Variants in AKT2 observed in about 807,000 individuals in gnomAD.
AKT2 encodes the protein RAC-beta serine/threonine-protein kinase.
AKT2 carries 16 observed loss-of-function variants against 58.6 expected under a neutral mutation model. The observed-to-expected ratio is 0.27, with a 90% CI of 0.18 to 0.41. The LOEUF is 0.41. Ranked by LOEUF, AKT2 falls within the 10% of genes least tolerant of loss-of-function variation. AKT2 has a pLI of 1.00. For missense variants in AKT2, 438 were observed against 661.0 expected, an observed-to-expected ratio of 0.66 and a Z score of 3.70; for synonymous variants, 253 against 254.0, an observed-to-expected ratio of 1.00 and a Z score of 0.04.
At chr19:40,254,990 C>T (rs1975432201) in intron 4 of AKT2, among the ~76,000 whole-genome samples, 168 bp downstream of exon 4, 1 of 152,158 alleles carries the variant, frequency 6.6e-6, no homozygotes, top group African/African-American at 2.4e-5. Flanking sequence ...GGTCTTCAGA[C>T]TAAGAACCCC....
At chr19:40,247,582 G>C (rs1041549150) in intron 4 of AKT2, among the ~76,000 whole-genome samples, 4 of 152,140 alleles carry the variant, frequency 2.6e-5, no homozygotes, top group African/African-American at 9.7e-5. Flanking sequence ...GGGACACCCA[G>C]CCAGGGAGCC....
intron 2 of AKT2, among the ~76,000 whole-genome samples, chr19:40,264,223 G>A (rs1446706412): frequency 6.6e-6 from 1 of 152,148 alleles, no homozygotes; most frequent in Non-Finnish European, 1.5e-5. Flanking sequence ...TCCAGGGGGA[G>A]GCCCACAGAA....
intron 4 of AKT2, among the ~76,000 whole-genome samples, chr19:40,245,524 A>C (rs1053223533): frequency 6.6e-6 from 1 of 152,182 alleles, no homozygotes; most frequent in African/African-American, 2.4e-5. Context: ...GCCTGCCTCC[A>C]AGGGAGGGGA....
intron 2 of AKT2, among the ~76,000 whole-genome samples, chr19:40,262,747 C>T (rs1169265330): frequency 6.6e-6 from 1 of 152,216 alleles, no homozygotes; most frequent in Non-Finnish European, 1.5e-5. Flanking sequence ...GTGGCATGTG[C>T]TCCACAGGGC....
chr19:40,275,768 GGGGGGGGGGGTGGGC>G (rs1263656711), intron 1 of AKT2, among the ~76,000 whole-genome samples: 1 of 101,868 alleles, frequency 9.8e-6, no homozygotes, highest in African/African-American at 3.5e-5. Flanking sequence ...GGAGGCTGGG[GGGGGGGGGGGTGGGC>G]GGGGGGCGAT....
At chr19:40,249,106 C>T (rs111348295) in intron 4 of AKT2, among the ~76,000 whole-genome samples, 5 of 151,846 alleles carry the variant, frequency 3.3e-5, no homozygotes, top group African/African-American at 7.3e-5. Context: ...ATGCCCAGAC[C>T]GCTCCGGCCT....
intron 4 of AKT2, among the ~76,000 whole-genome samples, chr19:40,250,579 G>C (rs918654602): frequency 2.0e-5 from 3 of 152,022 alleles, no homozygotes; most frequent in Non-Finnish European, 4.4e-5. Flanking sequence ...TGTAATCTTA[G>C]CACTCTGGGA....
rs1377202313 is a variant in AKT2, at chr19:40,235,799, C to T, written c.1175+91G>A. 6.0e-6 allele frequency: 8 copies of T among 1,329,498 alleles called. No homozygotes were observed. The highest frequency in any genetic ancestry group is 8.2e-6 in the Non-Finnish European group (8 of 977,666). 82.4% of individuals were successfully genotyped at this position (1,329,498 alleles called of 1,614,324 possible). A position where few individuals can be genotyped will look rare whatever the true frequency, so the allele number is the denominator to read the frequency against. ...GGACGACACACTGCGACCCTACAAG[C>T]GAGCACCCTTGTGGACGCTGCCCCC... On this transcript the variant is annotated intron_variant, in intron 11 of 13. Transcript: ENST00000392038. This position sits in a 1 kb window ranked among gnomAD's most constrained non-coding sequence, Gnocchi z 6.3.
rs1973980929 is a variant in AKT2, at chr19:40,235,750, T to C, written c.1175+140A>G. 1 of 874,186 alleles carries C rather than the reference T, an allele frequency of 1.1e-6. No individual in the cohort carries two copies. 54.2% of individuals were successfully genotyped at this position (874,186 alleles called of 1,614,324 possible). On this transcript the variant is annotated intron_variant, in intron 11 of 13. Transcript: ENST00000392038. This position sits in a 1 kb window ranked among gnomAD's most constrained non-coding sequence, Gnocchi z 6.3. ...GGGAAGCACTCCCTAAGTGCCACTG[T>C]GGACGTTTTCAGGGGCTGTGTGGGG... is the stretch of plus-strand genomic sequence containing the variant.
intron 2 of AKT2, among the ~76,000 whole-genome samples, chr19:40,260,628 C>CAAAAAAAAAAAAAA (rs34124347): frequency 4.0e-5 from 1 of 25,006 alleles, no homozygotes; most frequent in Non-Finnish European, 6.2e-5. Flanking sequence ...GATTCCATCT[C>CAAAAAAAAAAAAAA]AAAAAAAAAA....
chr19:40,251,964 T>C (rs1436784983), intron 4 of AKT2, among the ~76,000 whole-genome samples: 2 of 152,176 alleles, frequency 1.3e-5, no homozygotes, highest in African/African-American at 4.8e-5. Context: ...GTCCATTCAT[T>C]ATACTATTCT....
rs989348172 is a variant in AKT2 at position 40,264,561 on chromosome 19, C to T, written c.46+661G>A. On this transcript the variant is annotated intron_variant, in intron 2 of 13. Transcript: ENST00000392038. Reference sequence around the variant, plus strand: ...GCCCTAGCTCACACTGCTCCAGCCACGCTGTTACCAGAAAACACCAGGCAC... The same window carrying T: ...GCCCTAGCTCACACTGCTCCAGCCATGCTGTTACCAGAAAACACCAGGCAC... Among the ~76,000 whole-genome samples, 7 of 152,126 alleles carry T rather than the reference C, an allele frequency of 4.6e-5. No homozygotes were observed. The East Asian group carries it at 5.8e-4, about 13-fold the overall frequency.
At chr19:40,244,138 T>C (rs954955318) in intron 4 of AKT2, 2 of 151,236 alleles carry the variant, frequency 1.3e-5, no homozygotes, top group Admixed American at 1.3e-4. Context: ...GGTTTAGAAC[T>C]TGCTGAGAAA....
At chr19:40,260,935 A>G (rs2145334399) in intron 2 of AKT2, among the ~76,000 whole-genome samples, 1 of 152,346 alleles carries the variant, frequency 6.6e-6, no homozygotes, top group Middle Eastern at 3.4e-3. Flanking sequence ...AGCCTGGGCG[A>G]TAGCCCAAGA....
Position 40,238,983 on chromosome 19 carries a change from G to A in AKT2, c.640-10C>T. On this transcript the variant is annotated splice_polypyrimidine_tract_variant and intron_variant, in intron 7 of 13. Transcript: ENST00000392038. The surrounding 1 kb of genome is among the most constrained non-coding windows in gnomAD (Gnocchi z 5.1). Reference sequence around the variant, plus strand: ...AGGCATACTTCAGCGCCTGGGGGATGAAGGCAGCAGGGTGGGAGGTGGGAG... The same window carrying A: ...AGGCATACTTCAGCGCCTGGGGGATAAAGGCAGCAGGGTGGGAGGTGGGAG... 6.2e-7 allele frequency: 1 copy of A among 1,613,446 alleles called. No individual in the cohort carries two copies. The highest frequency in any genetic ancestry group is 1.3e-5 in the African/African-American group (1 of 75,030).
At chr19:40,239,260 T>C in intron 7 of AKT2, 1 of 379,648 alleles carries the variant, frequency 2.6e-6, no homozygotes, top group Non-Finnish European at 4.8e-6. Flanking sequence ...ACCATGGCTC[T>C]TGTTTTTACA....
chr19:40,283,908 T>C (rs2077468163), intron 1 of AKT2, among the ~76,000 whole-genome samples: 1 of 152,112 alleles, frequency 6.6e-6, no homozygotes, highest in Non-Finnish European at 1.5e-5. Context: ...AGTGTAAACA[T>C]GATGTGTGAC....
At chr19:40,239,502 T>G in intron 7 of AKT2, 1 of 303,442 alleles carries the variant, frequency 3.3e-6, no homozygotes. Context: ...CTCATAAGAT[T>G]TTATTTGAAA....
chr19:40,267,262 C>T (rs1976425372), intron 1 of AKT2, among the ~76,000 whole-genome samples: 1 of 152,176 alleles, frequency 6.6e-6, no homozygotes, highest in African/African-American at 2.4e-5. Flanking sequence ...CAAGGCCCTT[C>T]AGGACCTCGC....
Sources: allele counts gnomAD v4.1 joint callset (sites outside exome capture counted in the v4.1 genomes callset), GRCh38; gene constraint gnomAD v4.1.1; non-coding constraint Gnocchi (gnomAD v3.1); transcripts MANE v1.5; gene names NCBI Gene and HGNC (gene_info 2026-07-23, HGNC 2026-07-21).